CDC42: variants seen among roughly 807,000 people sequenced by gnomAD.
CDC42 encodes the protein cell division control protein 42 homolog.
Under a neutral mutation model 20.8 loss-of-function variants are expected in CDC42, and 1 was observed. The ratio of observed to expected loss-of-function variants is 0.05; its 90% CI spans 0.02 to 0.23. The LOEUF is 0.23. CDC42 is among the 10% of genes least tolerant of loss of function. The probability of loss-of-function intolerance (pLI) is 1.00; values close to 1 mark genes in which losing one functional copy is unlikely to be tolerated. For synonymous variants in CDC42, 72 were observed against 84.8 expected, an observed-to-expected ratio of 0.85 and a Z score of 0.83; for missense variants, 49 against 227.9, an observed-to-expected ratio of 0.21 and a Z score of 5.05.
intron 1 of CDC42, among the ~76,000 whole-genome samples, chr1:22,071,046 C>CTTTTTTTTTTTTTTTCTTTCTTT (rs10684040): frequency 8.0e-6 from 1 of 125,312 alleles, no homozygotes; most frequent in African/African-American, 3.0e-5. Flanking sequence ...TTTTTTCTTT[C>CTTTTTTTTTTTTTTTCTTTCTTT]TTTTTTTTTT....
chr1:22,052,861 G>C (rs942045345), intron 1 of CDC42, 119 bp downstream of exon 1: 1 of 152,542 alleles, frequency 6.6e-6, no homozygotes, highest in Middle Eastern at 3.2e-3. Flanking sequence ...GGGGGCCCGG[G>C]AGCACGGGTT....
chr1:22,077,541 G>T (rs1456767720), intron 1 of CDC42, among the ~76,000 whole-genome samples: 3 of 151,882 alleles, frequency 2.0e-5, no homozygotes, highest in Non-Finnish European at 4.4e-5. Context: ...ATATTGGGTG[G>T]TGTTTCTTTT....
In CDC42 at chr1:22,093,629, G is replaced by C. The variant is rs188085356; in HGVS notation, c.*2112G>C. Among the ~76,000 whole-genome samples, 15 of 152,312 alleles carry C rather than the reference G, an allele frequency of 9.8e-5. No individual in the cohort carries two copies. The East Asian group carries it at 2.5e-3, about 25-fold the overall frequency. On this transcript the variant is annotated 3_prime_UTR_variant, in exon 6 of 6. Transcript: ENST00000656825. ...TCATGTTTGGCATGATTTGCATACT[G>C]TGCTAGAATTAAGCTGGGTTGGTTG...
At position 22,093,809 on chromosome 1, in the gene CDC42, G is replaced by A. The variant is rs1005286780; in HGVS notation, c.*2292G>A. ...ATGTATCCTTAGTGTAGTCAGGGGC[G>A]TATAGGTCCTTGACTATTGCTATAT... On this transcript the variant is annotated 3_prime_UTR_variant, in exon 6 of 6. Coordinates refer to ENST00000656825, the MANE Select transcript of CDC42 (RefSeq NM_001791.4). Among the ~76,000 whole-genome samples the A allele has an allele frequency of 5.9e-5, 9 of 152,194 alleles. No homozygotes were observed. Among genetic ancestry groups the A allele is most frequent in the Admixed American group, 1.3e-4 (2 of 15,274 alleles).
At chr1:22,090,242 C>T (rs1282873430) in intron 5 of CDC42, 22 of 1,239,770 alleles carry the variant, frequency 1.8e-5, no homozygotes, top group Admixed American at 1.1e-4. Context: ...CTTGTTTTAA[C>T]GTTCTGCTGC....
intron 1 of CDC42, among the ~76,000 whole-genome samples, chr1:22,055,124 T>A (rs1340345288): frequency 6.6e-6 from 1 of 150,880 alleles, no homozygotes; most frequent in Non-Finnish European, 1.5e-5. Context: ...CGGCTAATTT[T>A]TTGTATTTTT....
chr1:22,064,887 G>A (rs774365993), intron 1 of CDC42, among the ~76,000 whole-genome samples: 7 of 152,098 alleles, frequency 4.6e-5, no homozygotes, highest in Non-Finnish European at 1.0e-4. Context: ...ATGTTGGTCA[G>A]GCTGGTCTCG....
chr1:22,076,453 C>CA (rs1446889866), intron 1 of CDC42, among the ~76,000 whole-genome samples: 1 of 151,176 alleles, frequency 6.6e-6, no homozygotes, highest in Non-Finnish European at 1.5e-5. Flanking sequence ...ACACACACAA[C>CA]AAGCAGGGAC....
chr1:22,090,135 C>T (rs777496777), intron 5 of CDC42: 57 of 1,450,396 alleles, frequency 3.9e-5, no homozygotes, highest in Admixed American at 9.4e-5. Flanking sequence ...AAAGCCTCTG[C>T]GTCTTTTTAC....
intron 1 of CDC42, among the ~76,000 whole-genome samples, chr1:22,076,512 G>C (rs945865815): frequency 6.6e-6 from 1 of 152,128 alleles, no homozygotes; most frequent in African/African-American, 2.4e-5. Flanking sequence ...CCAGTTACTG[G>C]CTGAATAGCC....
rs371714353 is a variant in CDC42 at position 22,093,804 on chromosome 1, G to C, written c.*2287G>C. Among the ~76,000 whole-genome samples the C allele has an allele frequency of 6.6e-6, 1 of 152,188 alleles. No homozygotes were observed. Among genetic ancestry groups the C allele is most frequent in the African/African-American group, 2.4e-5 (1 of 41,430 alleles). The stretch of plus-strand genomic sequence containing the variant: ...GACATATGTATCCTTAGTGTAGTCA[G>C]GGGCGTATAGGTCCTTGACTATTGC... On this transcript the variant is annotated 3_prime_UTR_variant, in exon 6 of 6. Coordinates refer to ENST00000656825, the MANE Select transcript of CDC42 (RefSeq NM_001791.4).
At chr1:22,079,255 C>T (rs1357552447) in intron 2 of CDC42, among the ~76,000 whole-genome samples, 1 of 151,666 alleles carries the variant, frequency 6.6e-6, no homozygotes, top group African/African-American at 2.4e-5. Context: ...TCTCCTGCCT[C>T]AGCCTCCTGA....
At chr1:22,057,647 G>A (rs1442877361) in intron 1 of CDC42, among the ~76,000 whole-genome samples, 2 of 152,046 alleles carry the variant, frequency 1.3e-5, no homozygotes, top group Non-Finnish European at 1.5e-5. Flanking sequence ...GCCTCTCAAA[G>A]TACTGGGATT....
At chr1:22,087,825 G>A (rs1199302502) in intron 5 of CDC42, among the ~76,000 whole-genome samples, 2 of 152,160 alleles carry the variant, frequency 1.3e-5, no homozygotes, top group Non-Finnish European at 2.9e-5. Context: ...TTAACTACGT[G>A]TATACTAGGG....
chr1:22,091,347 G>C (rs1474880062), intron 5 of CDC42, 81 bp from the exon 6 acceptor site: 2 of 834,030 alleles, frequency 2.4e-6, no homozygotes, highest in Non-Finnish European at 4.0e-6. Flanking sequence ...ACTCTTGGGG[G>C]TTTGAATGTT....
rs1645717691 is a variant in CDC42, at chr1:22,091,741, A to G, written c.*224A>G. 1 of 204,246 alleles carries G rather than the reference A, an allele frequency of 4.9e-6. No homozygotes were observed. The highest frequency in any genetic ancestry group is 1.1e-4 in the East Asian group (1 of 9,476). 12.7% of individuals were successfully genotyped at this position (204,246 alleles called of 1,614,324 possible). A position where few individuals can be genotyped will look rare whatever the true frequency, so the allele number is the denominator to read the frequency against. On this transcript the variant is annotated 3_prime_UTR_variant, in exon 6 of 6. Coordinates refer to ENST00000656825, the MANE Select transcript of CDC42 (RefSeq NM_001791.4). ...GAGTAATTGTATTGTCAGAAAAGTGATTAGTACTATTTTTTTTTGTTGTTT... is the reference window on the plus strand; with the variant it reads ...GAGTAATTGTATTGTCAGAAAAGTGGTTAGTACTATTTTTTTTTGTTGTTT...
intron 3 of CDC42, 41 bp downstream of exon 3, chr1:22,081,835 A>C (rs774888813): frequency 1.6e-6 from 2 of 1,253,456 alleles, no homozygotes; most frequent in Admixed American, 3.6e-5. Context: ...GATCTTTAAC[A>C]GTTGCTAGTT....
intron 1 of CDC42, among the ~76,000 whole-genome samples, chr1:22,056,600 C>A (rs1645306961): frequency 6.6e-6 from 1 of 152,160 alleles, no homozygotes; most frequent in South Asian, 2.1e-4. Context: ...TTTACTAAAG[C>A]AATTTTCATT....
chr1:22,091,153 G>T (rs1427905928), intron 5 of CDC42, among the ~76,000 whole-genome samples: 2 of 152,202 alleles, frequency 1.3e-5, no homozygotes. Context: ...ACATGTGCTT[G>T]TTTGCTTCTT....
Sources: allele counts gnomAD v4.1 joint callset (sites outside exome capture counted in the v4.1 genomes callset), GRCh38; gene constraint gnomAD v4.1.1; transcripts MANE v1.5; gene names NCBI Gene and HGNC (gene_info 2026-07-23, HGNC 2026-07-21).